The following ERMAP variants were observed in gnomAD, a reference collection of about 807,000 sequenced individuals.
The protein encoded by ERMAP is erythroblast membrane associated protein (Scianna blood group).
Under a neutral mutation model 49.5 loss-of-function variants are expected in ERMAP, and 34 were observed. The ratio of observed to expected loss-of-function variants is 0.69; its 90% confidence interval spans 0.52 to 0.91. The LOEUF (loss-of-function observed/expected upper bound fraction) is 0.91. Ranked by LOEUF, ERMAP falls within the 40% of genes least tolerant of loss-of-function variation. The probability of loss-of-function intolerance (pLI) is 0.00; values close to 1 mark genes in which losing one functional copy is unlikely to be tolerated. For missense variants in ERMAP, 541 were observed against 582.6 expected, an observed-to-expected ratio of 0.93 and a Z score of 0.74; for synonymous variants, 214 against 232.2, an observed-to-expected ratio of 0.92 and a Z score of 0.71.
At chr1:42,835,011 G>A (rs1423806128) in intron 4 of ERMAP, 27 bp from the exon 5 acceptor site, 1 of 902,512 alleles carries the variant, frequency 1.1e-6, no homozygotes, top group Non-Finnish European at 1.9e-6. Flanking sequence ...TCTCCCTGAG[G>A]TCAGTCGTTG....
intron 2 of ERMAP, among the ~76,000 whole-genome samples, chr1:42,829,588 T>G (rs952440138): frequency 4.6e-5 from 7 of 151,850 alleles, no homozygotes; most frequent in Admixed American, 2.0e-4. Flanking sequence ...TCCTTTAGGG[T>G]CTCCCTGTGA....
At chr1:42,818,549 T>G (rs913272108) in intron 1 of ERMAP, among the ~76,000 whole-genome samples, 1 of 152,224 alleles carries the variant, frequency 6.6e-6, no homozygotes. Context: ...TGATCATAAC[T>G]CACTGTAACC....
At chr1:42,838,387 A>G (rs1392235696) in intron 7 of ERMAP, among the ~76,000 whole-genome samples, 1 of 152,206 alleles carries the variant, frequency 6.6e-6, no homozygotes, top group Non-Finnish European at 1.5e-5. Context: ...ATGGCCCTCC[A>G]GAGAAGCTGC....
At position 42,830,428 on chromosome 1, in the gene ERMAP, C is replaced by A; in HGVS notation, c.-5-16C>A. 1 of 1,613,330 alleles carries A rather than the reference C, an allele frequency of 6.2e-7. No homozygotes were observed. The highest frequency in any genetic ancestry group is 8.5e-7 in the Non-Finnish European group (1 of 1,179,322). The stretch of plus-strand genomic sequence containing the variant: ...CCCATCAGCCCGCTTGTGCTGTCTC[C>A]CTCTGTCTGTCCTAGTTCGGATGGA... On this transcript the variant is annotated splice_polypyrimidine_tract_variant and intron_variant, in intron 2 of 11. Coordinates refer to ENST00000372517, the MANE Select transcript of ERMAP (RefSeq NM_001017922.2).
chr1:42,840,361 T>A, intron 11 of ERMAP, 65 bp downstream of exon 11: 5 of 1,599,782 alleles, frequency 3.1e-6, no homozygotes, highest in Non-Finnish European at 4.3e-6. Flanking sequence ...TTTGTAACCT[T>A]AGATTTTGTT....
At position 42,842,830 on chromosome 1, in the gene ERMAP, C is replaced by T. The variant is rs1455955570; in HGVS notation, c.1026C>T (p.Leu342=). 1 of 1,614,202 alleles carries T rather than the reference C, an allele frequency of 6.2e-7. No homozygotes were observed. The highest frequency in any genetic ancestry group is 8.5e-7 in the Non-Finnish European group (1 of 1,180,024). The change falls in exon 12 of 12, where the codon CTC becomes CTT. Residue 342 remains leucine, a synonymous_variant. Coordinates refer to ENST00000372517, the MANE Select transcript of ERMAP (RefSeq NM_001017922.2). Reference sequence around the variant, plus strand: ...GTCGTGGGAATGAGTATGAAGCTCTCACATCCCCGCAGACCTCCTTCCGCC... The same window carrying T: ...GTCGTGGGAATGAGTATGAAGCTCTTACATCCCCGCAGACCTCCTTCCGCC... ...RQSRGNEYEA[L]TSPQTSFRLK...
intron 7 of ERMAP, 63 bp from the exon 8 acceptor site, chr1:42,838,838 C>T (rs1471902053): frequency 1.2e-6 from 2 of 1,607,426 alleles, no homozygotes; most frequent in East Asian, 2.2e-5. Flanking sequence ...GAGGCTGCCA[C>T]AGCTCTGAGG....
intron 6 of ERMAP, chr1:42,836,820 AT>A (rs978678917): frequency 6.9e-5 from 14 of 201,602 alleles, no homozygotes; most frequent in South Asian, 4.1e-4. Flanking sequence ...TGCCACTGCA[AT>A]CCAGCCAGGG....
At chr1:42,828,642 C>T (rs533109444) in intron 2 of ERMAP, among the ~76,000 whole-genome samples, 10 of 152,102 alleles carry the variant, frequency 6.6e-5, no homozygotes, top group East Asian at 5.8e-4. Context: ...ACTACAGGTG[C>T]GTGCCACCAT....
rs373627195 is a variant in ERMAP at position 42,840,030 on chromosome 1, T to C, written c.638-3T>C. On this transcript the variant is annotated splice_polypyrimidine_tract_variant and splice_region_variant and intron_variant, in intron 8 of 11. Transcript: ENST00000372517. ...GATTTGCCAAATTGTTTTCATTCTT[T>C]AGAGAAACTCCGGAGTGAACTGAGT... 4 of 1,614,044 alleles carry C rather than the reference T, an allele frequency of 2.5e-6. No homozygotes were observed. In the African/African-American group the frequency reaches 4.0e-5, roughly 16 times the overall value.
At chr1:42,839,233 C>T in intron 8 of ERMAP, 1 of 490,044 alleles carries the variant, frequency 2.0e-6, no homozygotes, top group South Asian at 2.7e-5. Context: ...AGATGGGGTC[C>T]AGGAGGACAG....
chr1:42,835,658 G>A (rs1304514563), intron 5 of ERMAP, 74 bp from the exon 6 acceptor site: 2 of 1,593,496 alleles, frequency 1.3e-6, no homozygotes, highest in East Asian at 2.3e-5. Flanking sequence ...GGCAGCTGGG[G>A]GCATCTTGGG....
rs1219008380 is a variant in ERMAP, at chr1:42,843,439, G to A, written c.*207G>A. ...AGGAATTGAAGCTCCCAGTGACCTGGAGGGAGGATTCCTGGAAACCAAACA... is the reference window on the plus strand; with the variant it reads ...AGGAATTGAAGCTCCCAGTGACCTGAAGGGAGGATTCCTGGAAACCAAACA... On this transcript the variant is annotated 3_prime_UTR_variant, in exon 12 of 12. Coordinates refer to ENST00000372517, the MANE Select transcript of ERMAP (RefSeq NM_001017922.2). The A allele has an allele frequency of 2.1e-6, 1 of 478,380 alleles. No individual in the cohort carries two copies. Among genetic ancestry groups the A allele is most frequent in the Non-Finnish European group, 3.6e-6 (1 of 274,434 alleles). The allele number at this position is 478,380 out of a possible 1,614,324, so 29.6% of individuals were successfully genotyped here. A position where few individuals can be genotyped will look rare whatever the true frequency, so the allele number is the denominator to read the frequency against.
At chr1:42,836,900 AT>A in intron 6 of ERMAP, 3 of 297,540 alleles carry the variant, frequency 1.0e-5, no homozygotes, top group South Asian at 9.6e-5. Flanking sequence ...AGGGTGGCAG[AT>A]TTAAAAAAAA....
intron 2 of ERMAP, among the ~76,000 whole-genome samples, chr1:42,829,640 C>G (rs376602278): frequency 2.6e-5 from 4 of 152,284 alleles, no homozygotes; most frequent in African/African-American, 7.2e-5. Flanking sequence ...GATAATTTTC[C>G]TCACTTGGTT....
Position 42,843,080 on chromosome 1 carries a change from C to A in ERMAP, c.1276C>A (p.Pro426Thr), listed in dbSNP as rs779636956. Residue 426 changes from proline (P) to threonine (T), a missense_variant, in exon 12 of 12, where the codon CCA becomes ACA. Pro to Thr is a conservative substitution (Grantham distance 38, BLOSUM62 -1). Coordinates refer to ENST00000372517, the MANE Select transcript of ERMAP (RefSeq NM_001017922.2). The part of the protein sequence containing the change: ...HKSEESIVPR[P>T]EGKGHANGDV... ...ATCAGAGGAATCAATTGTCCCCAGGCCAGAAGGGAAAGGCCATGCTAATGG... is the reference window on the plus strand; with the variant it reads ...ATCAGAGGAATCAATTGTCCCCAGGACAGAAGGGAAAGGCCATGCTAATGG... 1.2e-6 allele frequency: 2 copies of A among 1,614,208 alleles called. No homozygotes were observed. Among genetic ancestry groups the A allele is most frequent in the Admixed American group, 1.7e-5 (1 of 60,020 alleles).
chr1:42,817,292 G>C, intron 1 of ERMAP, 39 bp downstream of exon 1: 1 of 1,208,996 alleles, frequency 8.3e-7, no homozygotes, highest in Non-Finnish European at 1.1e-6. Context: ...ACCCAGCGCT[G>C]CCTGCCCACC....
Position 42,843,281 on chromosome 1 carries a change from G to A in ERMAP, c.*49G>A. 7.2e-7 allele frequency: 1 copy of A among 1,392,160 alleles called. No individual in the cohort carries two copies. The allele number at this position is 1,392,160 out of a possible 1,614,324, so 86.2% of individuals were successfully genotyped here. On this transcript the variant is annotated 3_prime_UTR_variant, in exon 12 of 12. Coordinates refer to ENST00000372517, the MANE Select transcript of ERMAP (RefSeq NM_001017922.2). ...CATCACCATCCAGCCCAGCACCCTG[G>A]ACTTCAGTCGCCTGGCCCAACCCCA...
intron 11 of ERMAP, 98 bp from the exon 12 acceptor site, chr1:42,842,419 A>G (rs1338833039): frequency 9.4e-7 from 1 of 1,058,782 alleles, no homozygotes; most frequent in Admixed American, 2.7e-5. Flanking sequence ...GGCTAATGAC[A>G]GTGATGGCAG....
Sources: gnomAD v4.1 joint callset for allele counts (sites outside exome capture counted in the v4.1 genomes callset) on GRCh38, gnomAD v4.1.1 for gene constraint, MANE v1.5 for transcripts, NCBI Gene and HGNC (gene_info 2026-07-23, HGNC 2026-07-21) for gene names.